The following PRKCQ variants were observed in gnomAD, a reference collection of about 807,000 sequenced individuals.
The protein encoded by PRKCQ is protein kinase C theta type.
Under a neutral mutation model 91.2 loss-of-function variants are expected in PRKCQ, and 41 were observed. That is an observed-to-expected ratio of 0.45 (90% CI 0.35 to 0.58). The LOEUF (loss-of-function observed/expected upper bound fraction) is 0.58. Ranked by LOEUF, PRKCQ falls within the 20% of genes least tolerant of loss-of-function variation. PRKCQ has a pLI of 0.00. For missense variants in PRKCQ, 673 were observed against 896.5 expected, an observed-to-expected ratio of 0.75 and a Z score of 3.18; for synonymous variants, 307 against 316.9, an observed-to-expected ratio of 0.97 and a Z score of 0.33.
At chr10:6,552,777 C>T (rs1250343346) in intron 1 of PRKCQ, among the ~76,000 whole-genome samples, 1 of 152,066 alleles carries the variant, frequency 6.6e-6, no homozygotes, top group Non-Finnish European at 1.5e-5. Context: ...AAACTTTTTA[C>T]TCTAAGAATT....
chr10:6,452,693 C>G (rs1272239151), intron 15 of PRKCQ, among the ~76,000 whole-genome samples: 2 of 149,942 alleles, frequency 1.3e-5, no homozygotes, highest in Admixed American at 1.3e-4. Flanking sequence ...CTACAGTAAC[C>G]AAAACAGCAT....
the PRKCQ span, among the ~76,000 whole-genome samples, chr10:6,419,536 TACTC>T: frequency 2.1e-4 from 32 of 152,348 alleles, no homozygotes; most frequent in African/African-American, 6.7e-4. Context: ...ACATTATCAT[TACTC>T]ACAGTGGATC....
intron 1 of PRKCQ, among the ~76,000 whole-genome samples, chr10:6,560,075 C>G (rs771339688): frequency 2.6e-5 from 4 of 152,170 alleles, no homozygotes; most frequent in Non-Finnish European, 5.9e-5. Flanking sequence ...CAGAAAAAGC[C>G]CTGACATGTT....
intron 1 of PRKCQ, among the ~76,000 whole-genome samples, chr10:6,558,749 T>C (rs568712638): frequency 1.8e-4 from 27 of 152,312 alleles, no homozygotes; most frequent in African/African-American, 6.5e-4. Flanking sequence ...AAAGTTGAAG[T>C]TGAGGGGTCT....
chr10:6,498,100 G>A (rs1430677396), intron 5 of PRKCQ, among the ~76,000 whole-genome samples: 1 of 152,180 alleles, frequency 6.6e-6, no homozygotes, highest in Non-Finnish European at 1.5e-5. Flanking sequence ...AAAACTGTTT[G>A]TAATAAAGAT....
At chr10:6,397,337 C>T in the PRKCQ span, among the ~76,000 whole-genome samples, 8 of 152,170 alleles carry the variant, frequency 5.3e-5, no homozygotes, top group Admixed American at 1.3e-4. Flanking sequence ...TCAGGCAATC[C>T]GCCCTCTTGG....
At chr10:6,444,863 G>A (rs1307190121) in intron 15 of PRKCQ, among the ~76,000 whole-genome samples, 3 of 151,912 alleles carry the variant, frequency 2.0e-5, no homozygotes, top group African/African-American at 7.2e-5. Context: ...CACAATTCCA[G>A]CCATTCTCCC....
intron 16 of PRKCQ, among the ~76,000 whole-genome samples, chr10:6,432,032 T>C (rs902608445): frequency 1.3e-5 from 2 of 152,214 alleles, no homozygotes; most frequent in Non-Finnish European, 2.9e-5. Flanking sequence ...CTTAGAAAAG[T>C]AACAGGTCCC....
At chr10:6,420,988 G>C in the PRKCQ span, among the ~76,000 whole-genome samples, 1 of 151,694 alleles carries the variant, frequency 6.6e-6, no homozygotes, top group South Asian at 2.1e-4. Context: ...CCTCCCCTTT[G>C]ATCTTTTTTT....
At chr10:6,478,225 T>G (rs1226688232) in intron 12 of PRKCQ, among the ~76,000 whole-genome samples, 1 of 152,178 alleles carries the variant, frequency 6.6e-6, no homozygotes, top group African/African-American at 2.4e-5. Flanking sequence ...TACAGTGGGT[T>G]GCTATTTTTG....
At chr10:6,533,185 G>A (rs753734361) in intron 1 of PRKCQ, among the ~76,000 whole-genome samples, 5 of 152,066 alleles carry the variant, frequency 3.3e-5, no homozygotes, top group Non-Finnish European at 7.4e-5. Context: ...AAGTCCATAA[G>A]TGAACCTCAG....
chr10:6,565,645 G>A (rs1041101619), intron 1 of PRKCQ, among the ~76,000 whole-genome samples: 2 of 152,050 alleles, frequency 1.3e-5, no homozygotes, highest in South Asian at 2.1e-4. Flanking sequence ...ACTTTTAGTC[G>A]CAGATCTCAA....
intron 11 of PRKCQ, 63 bp from the exon 12 acceptor site, chr10:6,479,228 G>T: frequency 6.4e-7 from 1 of 1,574,704 alleles, no homozygotes; most frequent in South Asian, 1.1e-5. Flanking sequence ...TTAAAAAAGA[G>T]ACAGAGTCCT....
chr10:6,541,680 T>C (rs1839779541), intron 1 of PRKCQ, among the ~76,000 whole-genome samples: 1 of 152,234 alleles, frequency 6.6e-6, no homozygotes, highest in African/African-American at 2.4e-5. Context: ...TGAGACCTAC[T>C]GATTACTTTT....
chr10:6,463,561 A>G (rs1345827850), intron 13 of PRKCQ, among the ~76,000 whole-genome samples: 1 of 152,222 alleles, frequency 6.6e-6, no homozygotes, highest in Admixed American at 6.5e-5. Context: ...CATTCCAGCC[A>G]GGGATTTTAA....
chr10:6,486,864 A>G (rs1007416141), intron 8 of PRKCQ, among the ~76,000 whole-genome samples: 4 of 152,210 alleles, frequency 2.6e-5, no homozygotes, highest in Admixed American at 2.0e-4. Flanking sequence ...CTGCAGATGG[A>G]TATCAGACGG....
the PRKCQ span, among the ~76,000 whole-genome samples, chr10:6,413,789 C>T: frequency 6.6e-6 from 1 of 151,312 alleles, no homozygotes; most frequent in African/African-American, 2.4e-5. Context: ...CACACACACA[C>T]TAGGAAGCAC....
intron 1 of PRKCQ, among the ~76,000 whole-genome samples, chr10:6,571,344 C>T (rs1045733356): frequency 3.9e-5 from 6 of 152,152 alleles, no homozygotes; most frequent in Admixed American, 1.3e-4. Context: ...GGACAGTGGC[C>T]AAGTTTATAT....
At chr10:6,455,969 C>T (rs944773852) in intron 15 of PRKCQ, among the ~76,000 whole-genome samples, 1 of 152,152 alleles carries the variant, frequency 6.6e-6, no homozygotes, top group African/African-American at 2.4e-5. Flanking sequence ...GCAACCAGAA[C>T]AAGTGCTGTG....
Sources: allele counts gnomAD v4.1 joint callset (sites outside exome capture counted in the v4.1 genomes callset), GRCh38; gene constraint gnomAD v4.1.1; transcripts MANE v1.5; gene names NCBI Gene and HGNC (gene_info 2026-07-23, HGNC 2026-07-21).